Variants in GPR78 observed in about 807,000 individuals in gnomAD.
GPR78 encodes G protein-coupled receptor 78.
GPR78 carries 29 observed loss-of-function variants against 17.9 expected under a neutral mutation model. The ratio of observed to expected loss-of-function variants is 1.62; its 90% confidence interval spans 1.20 to 2.21. GPR78 has a LOEUF of 2.21. Ranked by LOEUF, GPR78 falls within the 30% of genes most tolerant of loss-of-function variation. The pLI is 0.00. For synonymous variants in GPR78, 349 were observed against 256.9 expected, an observed-to-expected ratio of 1.36 and a Z score of -3.43; for missense variants, 649 against 530.5, an observed-to-expected ratio of 1.22 and a Z score of -2.19.
rs370416820 is a variant in GPR78, at chr4:8,580,956, C to T, written c.-27C>T. 960 of 1,521,132 alleles carry T rather than the reference C, an allele frequency of 6.3e-4. 5 individuals are homozygous for T. In the African/African-American group the frequency reaches 0.011, roughly 18 times the overall value. 94.2% of individuals were successfully genotyped at this position (1,521,132 alleles called of 1,614,324 possible). On this transcript the variant is annotated 5_prime_UTR_variant, in exon 1 of 3. Transcript: ENST00000382487. ...GCCCGAAGCAGAGCCATGAGAACCC[C>T]AGGGTGCCTGGCGAGCCGCTAGCGC... is the stretch of plus-strand genomic sequence containing the variant.
In GPR78 at chr4:8,588,723, G is replaced by A. The variant is rs1448559397; in HGVS notation, c.*1360G>A. ...ACCCAAGGCCAGCAATGCAAGGAGAGTATGGACATCAAATTCTTTCCTTCC... is the reference window on the plus strand; with the variant it reads ...ACCCAAGGCCAGCAATGCAAGGAGAATATGGACATCAAATTCTTTCCTTCC... On this transcript the variant is annotated 3_prime_UTR_variant, in exon 3 of 3. Coordinates refer to ENST00000382487, the MANE Select transcript of GPR78 (RefSeq NM_080819.5). Among the ~76,000 whole-genome samples, 1 of 152,224 alleles carries A rather than the reference G, an allele frequency of 6.6e-6. No homozygotes were observed.
At chr4:8,585,641 T>C (rs1166175922) in intron 2 of GPR78, among the ~76,000 whole-genome samples, 3 of 152,106 alleles carry the variant, frequency 2.0e-5, no homozygotes, top group Non-Finnish European at 4.4e-5. Flanking sequence ...CTGGGGTAGG[T>C]GGTTAGAGCC....
In GPR78 at chr4:8,590,005, A is replaced by C. The variant is rs1028032938; in HGVS notation, c.*2642A>C. On this transcript the variant is annotated 3_prime_UTR_variant, in exon 3 of 3. Coordinates refer to ENST00000382487, the MANE Select transcript of GPR78 (RefSeq NM_080819.5). ...CTGGGTCTCAAGAATGCTGTGAATC[A>C]ATAAACATTTTATTCAGAGGGTGTC... Among the ~76,000 whole-genome samples the C allele has an allele frequency of 1.3e-5, 2 of 151,664 alleles. No homozygotes were observed. The highest frequency in any genetic ancestry group is 6.6e-5 in the Admixed American group (1 of 15,210).
rs1330021771 is a variant in GPR78, at chr4:8,580,696, G to T, written c.-287G>T. 6 of 500,592 alleles carry T rather than the reference G, an allele frequency of 1.2e-5. No homozygotes were observed. The highest frequency in any genetic ancestry group is 2.1e-5 in the Non-Finnish European group (6 of 287,936). The allele number at this position is 500,592 out of a possible 1,614,324, so 31.0% of individuals were successfully genotyped here. ...CTCGCTTCAGCCTCAGGACAGTCCT[G>T]CCGGGACGGTGAGCGCATTCAGCAC... On this transcript the variant is annotated 5_prime_UTR_variant, in exon 1 of 3. Coordinates refer to ENST00000382487, the MANE Select transcript of GPR78 (RefSeq NM_080819.5).
chr4:8,580,792 C>T lies in GPR78; in HGVS notation c.-191C>T. The T allele has an allele frequency of 3.3e-6, 2 of 614,114 alleles. No homozygotes were observed. Among genetic ancestry groups the T allele is most frequent in the South Asian group, 4.3e-5 (2 of 46,648 alleles). 38.0% of individuals were successfully genotyped at this position (614,114 alleles called of 1,614,324 possible). On this transcript the variant is annotated 5_prime_UTR_variant, in exon 1 of 3. Coordinates refer to ENST00000382487, the MANE Select transcript of GPR78 (RefSeq NM_080819.5). ...TGCTCCTGCTCCGCAGAGCTACGCCCTCCCCCCGGGTGCCCCGGACCCTGC... is the reference window on the plus strand; with the variant it reads ...TGCTCCTGCTCCGCAGAGCTACGCCTTCCCCCCGGGTGCCCCGGACCCTGC...
At chr4:8,583,562 A>G (rs1713382639) in intron 2 of GPR78, among the ~76,000 whole-genome samples, 1 of 152,070 alleles carries the variant, frequency 6.6e-6, no homozygotes, top group Non-Finnish European at 1.5e-5. Context: ...AGCAGGGAGT[A>G]TAGTACCAGG....
chr4:8,586,733 G>T (rs541651552), intron 2 of GPR78, among the ~76,000 whole-genome samples: 1 of 152,334 alleles, frequency 6.6e-6, no homozygotes, highest in African/African-American at 2.4e-5. Context: ...GCAGGTGTAC[G>T]TGCAGGTGGG....
Position 8,581,274 on chromosome 4 carries a change from G to T in GPR78, c.292G>T (p.Ala98Ser). 6.3e-7 allele frequency: 1 copy of T among 1,588,674 alleles called. No individual in the cohort carries two copies. The change falls in exon 1 of 3, where the codon GCG becomes TCG. Residue 98 changes from alanine to serine, a missense_variant. Physicochemically the swap from Ala to Ser is moderately conservative, Grantham distance 99 (BLOSUM62 1). Coordinates refer to ENST00000382487, the MANE Select transcript of GPR78 (RefSeq NM_080819.5). The stretch of plus-strand genomic sequence containing the variant: ...GGCGTCCAACGCGGCGCTGAGCGTG[G>T]CGGCGCTGAGCGCAGACCAGTGGCT... ...FLASNAALSVAALSADQWLAV... is the reference protein window; with the variant it reads ...FLASNAALSVSALSADQWLAV...
In GPR78 at chr4:8,580,762, CG is replaced by C; in HGVS notation, c.-218del. 1.7e-6 allele frequency: 1 copy of C among 572,926 alleles called. No homozygotes were observed. The highest frequency in any genetic ancestry group is 2.3e-5 in the South Asian group (1 of 43,162). 35.5% of individuals were successfully genotyped at this position (572,926 alleles called of 1,614,324 possible). A position where few individuals can be genotyped will look rare whatever the true frequency, so the allele number is the denominator to read the frequency against. ...GGTTGCGCTGCCTCCAGGGCGGCCC[CG>C]GGCTGCTCCTGCTCCGCAGAGCTAC... On this transcript the variant is annotated 5_prime_UTR_variant, in exon 1 of 3. Transcript: ENST00000382487.
chr4:8,582,015 C>T (rs1285123210), intron 1 of GPR78, among the ~76,000 whole-genome samples: 2 of 152,172 alleles, frequency 1.3e-5, no homozygotes, highest in Non-Finnish European at 2.9e-5. Context: ...AGTGCCCTTG[C>T]ATGGACTTGG....
chr4:8,580,961 T>G lies in GPR78; in HGVS notation c.-22T>G, dbSNP rs1713249744. 2.0e-6 allele frequency: 3 copies of G among 1,528,754 alleles called. No individual in the cohort carries two copies. The highest frequency in any genetic ancestry group is 2.6e-6 in the Non-Finnish European group (3 of 1,141,992). The allele number at this position is 1,528,754 out of a possible 1,614,324, so 94.7% of individuals were successfully genotyped here. On this transcript the variant is annotated 5_prime_UTR_variant, in exon 1 of 3. Coordinates refer to ENST00000382487, the MANE Select transcript of GPR78 (RefSeq NM_080819.5). Reference sequence around the variant, plus strand: ...AAGCAGAGCCATGAGAACCCCAGGGTGCCTGGCGAGCCGCTAGCGCCATGG... The same window carrying G: ...AAGCAGAGCCATGAGAACCCCAGGGGGCCTGGCGAGCCGCTAGCGCCATGG...
Position 8,581,389 on chromosome 4 carries a change from C to T in GPR78, c.407C>T (p.Ala136Val), listed in dbSNP as rs1201673580. 3.2e-6 allele frequency: 5 copies of T among 1,584,618 alleles called. No individual in the cohort carries two copies. The highest frequency in any genetic ancestry group is 4.3e-6 in the Non-Finnish European group (5 of 1,170,898). ...LLGCAWGQSL[A>V]FSGAALGCSW... ...GGCTGTGCCTGGGGACAGTCGCTGGCCTTCTCAGGCGCTGCACTTGGCTGC... is the reference window on the plus strand; with the variant it reads ...GGCTGTGCCTGGGGACAGTCGCTGGTCTTCTCAGGCGCTGCACTTGGCTGC... The change falls in exon 1 of 3, where the codon GCC becomes GTC. Residue 136 changes from alanine to valine, a missense_variant. Physicochemically the swap from Ala to Val is moderately conservative, Grantham distance 64. Coordinates refer to ENST00000382487, the MANE Select transcript of GPR78 (RefSeq NM_080819.5).
At chr4:8,586,491 G>T (rs4696852) in intron 2 of GPR78, among the ~76,000 whole-genome samples, 106,897 of 152,092 alleles carry the variant, frequency 0.7, 41,028 homozygotes, top group Non-Finnish European at 0.86. Context: ...ATGTGGGTGA[G>T]GTGGTCACAC....
intron 2 of GPR78, among the ~76,000 whole-genome samples, chr4:8,585,154 C>G (rs1047385931): frequency 2.0e-5 from 3 of 152,198 alleles, no homozygotes; most frequent in African/African-American, 7.2e-5. Flanking sequence ...ACAGAGCCCT[C>G]CCTTGTGGAG....
rs1252463835 is a variant in GPR78, at chr4:8,581,352, G to A, written c.370G>A (p.Gly124Ser). The A allele has an allele frequency of 1.3e-6, 2 of 1,579,034 alleles. No homozygotes were observed. The highest frequency in any genetic ancestry group is 1.7e-6 in the Non-Finnish European group (2 of 1,168,600). The change falls in exon 1 of 3, where the codon GGC becomes AGC. Residue 124 changes from glycine to serine, a missense_variant. Physicochemically the swap from Gly to Ser is moderately conservative, Grantham distance 56 (BLOSUM62 0). Coordinates refer to ENST00000382487, the MANE Select transcript of GPR78 (RefSeq NM_080819.5). ...YAGRLRPRYA[G>S]LLLGCAWGQS... ...CGGACGCCTGCGACCGCGCTATGCC[G>A]GCCTGCTGCTGGGCTGTGCCTGGGG... is the stretch of plus-strand genomic sequence containing the variant.
chr4:8,587,404 C>T lies in GPR78; in HGVS notation c.*41C>T. 6.3e-7 allele frequency: 1 copy of T among 1,584,532 alleles called. No individual in the cohort carries two copies. The highest frequency in any genetic ancestry group is 2.2e-5 in the East Asian group (1 of 44,482). On this transcript the variant is annotated 3_prime_UTR_variant, in exon 3 of 3. Coordinates refer to ENST00000382487, the MANE Select transcript of GPR78 (RefSeq NM_080819.5). Reference sequence around the variant, plus strand: ...CATCGCCCCCACCTTCTAAGAAGCCCTGTGGAAAGGGCACTGGCCCTGCCA... The same window carrying T: ...CATCGCCCCCACCTTCTAAGAAGCCTTGTGGAAAGGGCACTGGCCCTGCCA...
chr4:8,585,790 T>C (rs1331744410), intron 2 of GPR78, among the ~76,000 whole-genome samples: 1 of 152,168 alleles, frequency 6.6e-6, no homozygotes, highest in Non-Finnish European at 1.5e-5. Context: ...CCTGCCTGCC[T>C]GCCAGCCTCC....
chr4:8,581,654 T>C lies in GPR78; in HGVS notation c.668+4T>C, dbSNP rs747087046. The stretch of plus-strand genomic sequence containing the variant: ...TGCTCGCCGACCTGCACCCCAGGTA[T>C]TGGCCCAGTGCATGCCGACAGGCCC... On this transcript the variant is annotated splice_donor_region_variant and intron_variant, in intron 1 of 2. Coordinates refer to ENST00000382487, the MANE Select transcript of GPR78 (RefSeq NM_080819.5). 5.2e-5 allele frequency: 76 copies of C among 1,466,020 alleles called. No individual in the cohort carries two copies. The highest frequency in any genetic ancestry group is 6.7e-5 in the Non-Finnish European group (74 of 1,112,364). 90.8% of individuals were successfully genotyped at this position (1,466,020 alleles called of 1,614,324 possible).
At chr4:8,584,361 C>T (rs1713415235) in intron 2 of GPR78, among the ~76,000 whole-genome samples, 1 of 152,218 alleles carries the variant, frequency 6.6e-6, no homozygotes, top group African/African-American at 2.4e-5. Context: ...TGAAGCCTGC[C>T]TTTGCAGTGT....
Sources: gnomAD v4.1 joint callset for allele counts (sites outside exome capture counted in the v4.1 genomes callset) on GRCh38, gnomAD v4.1.1 for gene constraint, MANE v1.5 for transcripts, NCBI Gene and HGNC (gene_info 2026-07-23, HGNC 2026-07-21) for gene names.